Variants in ALG9 observed in about 807,000 individuals in gnomAD.
ALG9 encodes alpha-1,2-mannosyltransferase ALG9.
Under a neutral mutation model 81.8 loss-of-function variants are expected in ALG9, and 55 were observed. The ratio of observed to expected loss-of-function variants is 0.67; its 90% confidence interval spans 0.54 to 0.84. The LOEUF is 0.84. ALG9 is among the 40% of genes least tolerant of loss of function. The probability of loss-of-function intolerance (pLI) is 0.00; values close to 1 mark genes in which losing one functional copy is unlikely to be tolerated. For synonymous variants in ALG9, 278 were observed against 274.3 expected, an observed-to-expected ratio of 1.01 and a Z score of -0.13; for missense variants, 629 against 745.0, an observed-to-expected ratio of 0.84 and a Z score of 1.81.
At chr11:111,778,272 C>T (rs1392057133), downstream of ALG9, 1 of 152,194 alleles carries the variant, frequency 6.6e-6, no homozygotes, top group Non-Finnish European at 1.5e-5. Context: ...TCTTCTACCA[C>T]CTGATCAATC....
intron 13 of ALG9, among the ~76,000 whole-genome samples, chr11:111,811,867 A>G: frequency 6.6e-6 from 1 of 152,080 alleles, no homozygotes. Flanking sequence ...TTTAATGGGT[A>G]TGGGTTTTTT....
chr11:111,853,423 A>C lies in ALG9; in HGVS notation c.852T>G (p.Ile284Met). The C allele has an allele frequency of 6.2e-7, 1 of 1,614,122 alleles. No homozygotes were observed. Among genetic ancestry groups the C allele is most frequent in the South Asian group, 1.1e-5 (1 of 91,084 alleles). The part of the protein sequence containing the change: ...YGKLVIAPLN[I>M]VLYNVFTPHG... ...GAGGAGTAAAGACATTATACAAAAC[A>C]ATGTTGAGTGGTGCAATCACCAACT... is the stretch of plus-strand genomic sequence containing the variant. The change falls in exon 8 of 15, where the codon ATT becomes ATG. Residue 284 changes from isoleucine (I) to methionine (M), a missense_variant. Physicochemically the swap from Ile to Met is conservative, Grantham distance 10. This residue lies in a region of ALG9 where 344 missense variants were observed against 390.5 expected (regional missense o/e 0.88). Coordinates refer to ENST00000616540, the MANE Select transcript of ALG9 (RefSeq NM_024740.2).
At chr11:111,828,823 AC>A (rs1185106494) in intron 13 of ALG9, 1 of 152,214 alleles carries the variant, frequency 6.6e-6, no homozygotes, top group Non-Finnish European at 1.5e-5. Flanking sequence ...ATTACAAAAA[AC>A]ATCTTACAAA....
chr11:111,779,831 A>G (rs1945833091), downstream of ALG9, among the ~76,000 whole-genome samples: 1 of 152,222 alleles, frequency 6.6e-6, no homozygotes, highest in Non-Finnish European at 1.5e-5. Flanking sequence ...GTTAATTTTA[A>G]CAGACTATTT....
Position 111,805,220 on chromosome 11 carries a change from G to T in ALG9, c.1733+4423C>A. The T allele has an allele frequency of 8.8e-6, 4 of 456,120 alleles. No homozygotes were observed. The Admixed American group carries it at 9.4e-5, about 11-fold the overall frequency. The allele number at this position is 456,120 out of a possible 1,614,324, so 28.3% of individuals were successfully genotyped here. On this transcript the variant is annotated intron_variant, in intron 14 of 14. Coordinates refer to ENST00000616540, the MANE Select transcript of ALG9 (RefSeq NM_024740.2). ...AGCTAGCTTGTCTTCTTGCAGCCAT[G>T]TGAGGATACAAGTCAGCTGTCTGCA...
intron 1 of ALG9, 93 bp from the exon 2 acceptor site, chr11:111,870,463 G>C: frequency 7.0e-7 from 1 of 1,424,386 alleles, no homozygotes; most frequent in Non-Finnish European, 9.2e-7. Context: ...AGGACAAAAA[G>C]GGCAAGGGAC....
intron 14 of ALG9, among the ~76,000 whole-genome samples, chr11:111,802,080 C>T (rs1202306157): frequency 6.6e-6 from 1 of 152,198 alleles, no homozygotes; most frequent in Non-Finnish European, 1.5e-5. Flanking sequence ...ATCCTACCAC[C>T]TTTCACTGTC....
At chr11:111,807,872 C>T (rs1950157901) in intron 14 of ALG9, among the ~76,000 whole-genome samples, 1 of 152,156 alleles carries the variant, frequency 6.6e-6, no homozygotes, top group African/African-American at 2.4e-5. Flanking sequence ...ATAGCTTGAG[C>T]TTACGAGTTT....
intron 5 of ALG9, among the ~76,000 whole-genome samples, chr11:111,859,641 A>T (rs1448017759): frequency 1.3e-5 from 2 of 152,166 alleles, no homozygotes; most frequent in Non-Finnish European, 2.9e-5. Context: ...TGCAGTGTAG[A>T]GGACAAAGGG....
chr11:111,871,408 G>C lies in ALG9; in HGVS notation c.75C>G (p.Asp25Glu). 1 of 1,535,456 alleles carries C rather than the reference G, an allele frequency of 6.5e-7. No individual in the cohort carries two copies. Among genetic ancestry groups the C allele is most frequent in the Middle Eastern group, 1.8e-4 (1 of 5,564 alleles). ...GGCTGCCCAGCAGCTCCCGCAGCTT[G>C]TCCGCAGCCGGGGCCGTATCCCCAC... Reference protein sequence around the residue: ...ASSGDTAPAADKLRELLGSRE... With the variant: ...ASSGDTAPAAEKLRELLGSRE... Residue 25 changes from aspartate to glutamate, a missense_variant, in exon 1 of 15, where the codon GAC becomes GAG. Physicochemically the swap from Asp to Glu is conservative, Grantham distance 45. Transcript: ENST00000616540.
intron 5 of ALG9, among the ~76,000 whole-genome samples, chr11:111,859,427 TGG>T (rs1959218788): frequency 6.6e-6 from 1 of 151,152 alleles, no homozygotes. Flanking sequence ...GCTTGAACCT[TGG>T]GAGGAGGGGG....
chr11:111,778,146 G>A (rs1429946573), downstream of ALG9: 2 of 151,840 alleles, frequency 1.3e-5, no homozygotes, highest in Admixed American at 1.3e-4. Flanking sequence ...TACACCCATT[G>A]TTCTACTCAA....
At chr11:111,769,345 G>T in the ALG9 span, 1 of 151,134 alleles carries the variant, frequency 6.6e-6, no homozygotes, top group African/African-American at 2.5e-5. Context: ...TTGGACAGGT[G>T]CAGTGGCTCA....
chr11:111,795,159 C>A (rs990005452), intron 14 of ALG9, among the ~76,000 whole-genome samples: 1 of 152,152 alleles, frequency 6.6e-6, no homozygotes, highest in Admixed American at 6.5e-5. Context: ...TAGGAAAGTG[C>A]CACAGAAAGT....
intron 13 of ALG9, among the ~76,000 whole-genome samples, chr11:111,814,168 A>G (rs1292942110): frequency 1.3e-5 from 2 of 152,262 alleles, no homozygotes; most frequent in Non-Finnish European, 2.9e-5. Context: ...AAGTCATACA[A>G]TGAAATATTA....
chr11:111,820,122 T>A (rs1952101618), intron 13 of ALG9, among the ~76,000 whole-genome samples: 1 of 152,122 alleles, frequency 6.6e-6, no homozygotes, highest in South Asian at 2.1e-4. Context: ...CACTGTGCCA[T>A]CAAAATATAT....
chr11:111,862,629 T>C (rs1387878777), intron 4 of ALG9, among the ~76,000 whole-genome samples: 1 of 151,610 alleles, frequency 6.6e-6, no homozygotes, highest in Admixed American at 6.6e-5. Flanking sequence ...AATCTTCCAA[T>C]TTACTAGTTT....
At chr11:111,850,914 T>C (rs1471184310) in intron 8 of ALG9, among the ~76,000 whole-genome samples, 1 of 152,020 alleles carries the variant, frequency 6.6e-6, no homozygotes, top group African/African-American at 2.4e-5. Flanking sequence ...TCAGTTTCTG[T>C]ACATCCAAAA....
chr11:111,867,481 G>A (rs1382349142), intron 3 of ALG9, among the ~76,000 whole-genome samples: 7 of 152,044 alleles, frequency 4.6e-5, no homozygotes, highest in Non-Finnish European at 8.8e-5. Context: ...AAAGGAGAAG[G>A]TCTCAGTAAA....
Sources: gnomAD v4.1 joint callset for allele counts (sites outside exome capture counted in the v4.1 genomes callset) on GRCh38, gnomAD v4.1.1 for gene constraint, gnomAD v4.1.1 regional missense constraint, MANE v1.5 for transcripts, NCBI Gene and HGNC (gene_info 2026-07-23, HGNC 2026-07-21) for gene names.